Variants in FOCAD observed in about 807,000 individuals in gnomAD.
FOCAD encodes KIAA1797.
FOCAD carries 198 observed loss-of-function variants against 225.6 expected under a neutral mutation model. The ratio of observed to expected loss-of-function variants is 0.88; its 90% CI spans 0.78 to 0.99. The LOEUF is 0.99. FOCAD is among the 50% of genes least tolerant of loss of function. The pLI, the probability that FOCAD is intolerant of heterozygous loss-of-function variation, is 0.00. For missense variants in FOCAD, 2,713 were observed against 2,123.6 expected, an observed-to-expected ratio of 1.28 and a Z score of -5.46; for synonymous variants, 897 against 755.0, an observed-to-expected ratio of 1.19 and a Z score of -3.08.
At chr9:20,929,251 C>A in intron 26 of FOCAD, 107 bp from the exon 27 acceptor site, 1 of 789,242 alleles carries the variant, frequency 1.3e-6, no homozygotes. Context: ...GGGTGTCGGC[C>A]GGGGTGGATC....
At chr9:20,771,704 G>A (rs140482128) in intron 8 of FOCAD, among the ~76,000 whole-genome samples, 333 of 152,316 alleles carry the variant, frequency 2.2e-3, no homozygotes, top group African/African-American at 7.8e-3. Flanking sequence ...GCAGTGAGCC[G>A]AGATTGTGCC....
chr9:20,923,570 T>C, intron 24 of FOCAD, 90 bp from the exon 25 acceptor site: 1 of 901,160 alleles, frequency 1.1e-6, no homozygotes, highest in Non-Finnish European at 1.7e-6. Context: ...CAAGTTGCTT[T>C]TTGACTTCAC....
chr9:20,984,095 G>A (rs1587785748), intron 39 of FOCAD, among the ~76,000 whole-genome samples: 1 of 152,184 alleles, frequency 6.6e-6, no homozygotes, highest in East Asian at 1.9e-4. Context: ...GTCTGCTTCA[G>A]CAAGGTCAGA....
chr9:20,912,947 T>C lies in FOCAD; in HGVS notation c.2800T>C (p.Trp934Arg), dbSNP rs1007726056. ...EEVQYKKSTA[W>R]LWVRDMLTDE... is the part of the protein sequence containing the mutation. ...GGTGCAGTACAAAAAAAGCACAGCC[T>C]GGCTCTGGTAAGTGTTCATGTTCAG... is the stretch of plus-strand genomic sequence containing the variant. Residue 934 changes from tryptophan (W) to arginine (R), a missense_variant, in exon 23 of 44, where the codon TGG (tryptophan) becomes CGG (arginine). By Grantham distance (101) the Trp-to-Arg change is moderately radical. Coordinates refer to ENST00000338382, the MANE Select transcript of FOCAD (RefSeq NM_001375567.1). 1.2e-6 allele frequency: 2 copies of C among 1,612,528 alleles called. No individual in the cohort carries two copies. The highest frequency in any genetic ancestry group is 3.3e-5 in the Admixed American group (2 of 59,816).
chr9:20,912,823 A>C (rs567132990), intron 22 of FOCAD, 43 bp from the exon 23 acceptor site: 1 of 1,497,794 alleles, frequency 6.7e-7, no homozygotes, highest in East Asian at 2.3e-5. Context: ...AGATCACTTC[A>C]GCCATCGAGT....
At chr9:20,906,218 C>G (rs1832968285) in intron 21 of FOCAD, among the ~76,000 whole-genome samples, 1 of 152,024 alleles carries the variant, frequency 6.6e-6, no homozygotes, top group East Asian at 1.9e-4. Context: ...TCTTCCCTAT[C>G]ACAAGGCACT....
In FOCAD at chr9:20,787,276, G is replaced by A. The variant is rs542719025; in HGVS notation, c.1198-2075G>A. ...TTACATAAGTTTTATTTTTCTCTCC[G>A]GAAGATGACAGCAATACTATTTACC... On this transcript the variant is annotated intron_variant, in intron 10 of 43. Transcript: ENST00000338382. Among the ~76,000 whole-genome samples the A allele has an allele frequency of 6.6e-5, 10 of 152,034 alleles. No individual in the cohort carries two copies. The East Asian group carries it at 1.7e-3, about 26-fold the overall frequency.
chr9:20,769,239 C>CA (rs1408321107), intron 7 of FOCAD, among the ~76,000 whole-genome samples: 1 of 152,154 alleles, frequency 6.6e-6, no homozygotes, highest in Non-Finnish European at 1.5e-5. Flanking sequence ...AACTAATAGT[C>CA]ATTTGGGTTA....
chr9:20,793,580 G>A (rs1418856532), intron 11 of FOCAD, among the ~76,000 whole-genome samples: 1 of 152,108 alleles, frequency 6.6e-6, no homozygotes. Context: ...CTAATGTACT[G>A]AAACAAAATC....
chr9:20,969,353 C>G (rs1019682723), intron 35 of FOCAD, among the ~76,000 whole-genome samples: 5 of 151,964 alleles, frequency 3.3e-5, no homozygotes, highest in African/African-American at 1.2e-4. Context: ...GATATTCTAT[C>G]TAGTATTGAA....
At chr9:20,927,517 G>T (rs566312896) in intron 26 of FOCAD, among the ~76,000 whole-genome samples, 3 of 151,792 alleles carry the variant, frequency 2.0e-5, no homozygotes, top group Admixed American at 2.0e-4. Flanking sequence ...ACAAAGTAAT[G>T]TTGTTGATCA....
chr9:20,982,847 A>C (rs1009646299), intron 39 of FOCAD, among the ~76,000 whole-genome samples: 5 of 152,262 alleles, frequency 3.3e-5, no homozygotes, highest in African/African-American at 1.2e-4. Flanking sequence ...TGCCAGATTT[A>C]GCAAACAAAA....
At chr9:20,926,513 G>GCC in intron 26 of FOCAD, 96 bp downstream of exon 26, 2 of 779,072 alleles carry the variant, frequency 2.6e-6, no homozygotes, top group South Asian at 1.5e-5. Context: ...GCCAGGCGCG[G>GCC]TGGCTCACGC....
At chr9:20,809,551 A>G (rs528617997) in intron 11 of FOCAD, among the ~76,000 whole-genome samples, 41 of 152,262 alleles carry the variant, frequency 2.7e-4, no homozygotes, top group African/African-American at 9.9e-4. Flanking sequence ...TGAACAATGA[A>G]AATCAATCAT....
At chr9:20,826,571 G>A (rs1210804906) in intron 15 of FOCAD, among the ~76,000 whole-genome samples, 2 of 152,034 alleles carry the variant, frequency 1.3e-5, no homozygotes, top group Admixed American at 6.6e-5. Context: ...GTCAAGACTC[G>A]TTAATAAACT....
chr9:20,747,989 C>A (rs1055237639), intron 5 of FOCAD, among the ~76,000 whole-genome samples: 5 of 151,820 alleles, frequency 3.3e-5, no homozygotes, highest in African/African-American at 1.2e-4. Context: ...TCCTCTAACT[C>A]TTAAAAAAAT....
In FOCAD at chr9:20,981,563, A is replaced by G; in HGVS notation, c.4515A>G (p.Leu1505=). 1 of 1,614,092 alleles carries G rather than the reference A, an allele frequency of 6.2e-7. No individual in the cohort carries two copies. Among genetic ancestry groups the G allele is most frequent in the Non-Finnish European group, 8.5e-7 (1 of 1,180,002 alleles). ...KAASPLGSPE[L]CPSALHGLSQ... The stretch of plus-strand genomic sequence containing the variant: ...CTTCCCCACTTGGAAGTCCTGAGCT[A>G]TGCCCAAGTGCTTTACACGGTCTGA... The change falls in exon 38 of 44, where the codon CTA becomes CTG. Residue 1505 remains leucine, a synonymous_variant. Coordinates refer to ENST00000338382, the MANE Select transcript of FOCAD (RefSeq NM_001375567.1).
intron 25 of FOCAD, among the ~76,000 whole-genome samples, chr9:20,925,629 C>T (rs896452268): frequency 2.0e-5 from 3 of 152,136 alleles, no homozygotes; most frequent in Non-Finnish European, 4.4e-5. Flanking sequence ...TACAATAATT[C>T]CAGTTACCAT....
At chr9:20,660,830 C>A (rs189166612) in intron 2 of FOCAD, among the ~76,000 whole-genome samples, 51 of 151,880 alleles carry the variant, frequency 3.4e-4, no homozygotes, top group Admixed American at 1.4e-3. Flanking sequence ...AAAGAGCATA[C>A]AGAAATAAAA....
Sources: gnomAD v4.1 joint callset for allele counts (sites outside exome capture counted in the v4.1 genomes callset) on GRCh38, gnomAD v4.1.1 for gene constraint, MANE v1.5 for transcripts, NCBI Gene and HGNC (gene_info 2026-07-23, HGNC 2026-07-21) for gene names.